The following HPSE2 variants were observed in gnomAD, a reference collection of about 807,000 sequenced individuals.
HPSE2 encodes inactive heparanase-2.
In HPSE2, 38 loss-of-function variants were observed where a neutral mutation model predicts 60.5. The ratio of observed to expected loss-of-function variants is 0.63; its 90% CI spans 0.48 to 0.82. The LOEUF is 0.82. Among genes scored for constraint, HPSE2 ranks in the 40% least tolerant of loss-of-function variants. The pLI, the probability that HPSE2 is intolerant of heterozygous loss-of-function variation, is 0.00. For synonymous variants in HPSE2, 295 were observed against 293.2 expected (o/e 1.01, Z -0.06); for missense variants, 713 against 740.4 (o/e 0.96, Z 0.43).
intron 7 of HPSE2, among the ~76,000 whole-genome samples, chr10:98,635,475 C>A (rs945834947): frequency 2.0e-5 from 3 of 152,170 alleles, no homozygotes; most frequent in African/African-American, 7.2e-5. Flanking sequence ...TGAAATCAAC[C>A]TGTCTCCATC....
At chr10:98,511,094 C>T (rs1046705434) in intron 9 of HPSE2, among the ~76,000 whole-genome samples, 3 of 151,674 alleles carry the variant, frequency 2.0e-5, no homozygotes, top group African/African-American at 7.3e-5. Context: ...GTGCCTGATA[C>T]ATAAAAGTAT....
intron 3 of HPSE2, among the ~76,000 whole-genome samples, chr10:98,955,563 C>T (rs927395652): frequency 6.6e-6 from 1 of 152,056 alleles, no homozygotes. Context: ...CTTCAAAGAC[C>T]TAGAATCAGA....
At chr10:99,312,571 A>T in the HPSE2 span, among the ~76,000 whole-genome samples, 130,598 of 152,262 alleles carry the variant, frequency 0.86, 56,398 homozygotes, top group African/African-American at 0.93. Context: ...TGCTCAGAAA[A>T]AAAGATTCCT....
chr10:98,472,943 C>T (rs561582048), intron 11 of HPSE2, among the ~76,000 whole-genome samples: 1 of 152,062 alleles, frequency 6.6e-6, no homozygotes, highest in East Asian at 1.9e-4. Flanking sequence ...GACTAATACC[C>T]CAACAGAAAA....
rs943609338 is a variant in HPSE2, at chr10:99,169,244, G to A, written c.449-24845C>T. On this transcript the variant is annotated intron_variant, in intron 2 of 11. Coordinates refer to ENST00000370552, the MANE Select transcript of HPSE2 (RefSeq NM_021828.5). ...AGCCAGGCTGGGCACGGTGGCTCACGCCTTTAATCCCAGCACTTTAGGAGA... is the reference window on the plus strand; with the variant it reads ...AGCCAGGCTGGGCACGGTGGCTCACACCTTTAATCCCAGCACTTTAGGAGA... 9.0e-5 allele frequency among the ~76,000 whole-genome samples: 13 copies of A among 143,770 alleles called. No individual in the cohort carries two copies. The East Asian group carries it at 1.0e-3, about 11-fold the overall frequency. The allele number at this position is 143,770 out of a possible 152,430, so 94.3% of individuals were successfully genotyped here. A position where few individuals can be genotyped will look rare whatever the true frequency, so the allele number is the denominator to read the frequency against.
chr10:98,633,791 G>A (rs533797672), intron 7 of HPSE2, among the ~76,000 whole-genome samples: 39 of 152,230 alleles, frequency 2.6e-4, no homozygotes, highest in African/African-American at 6.0e-4. Flanking sequence ...TTTCCTTGGC[G>A]CGTGTTTCTC....
chr10:98,642,091 T>C, intron 6 of HPSE2, 151 bp from the exon 7 acceptor site: 1 of 683,568 alleles, frequency 1.5e-6, no homozygotes, highest in Non-Finnish European at 2.6e-6. Context: ...CTGGGTACTT[T>C]TCAAACAAAT....
chr10:98,459,835 C>A, intron 11 of HPSE2, 96 bp from the exon 12 acceptor site: 2 of 1,115,708 alleles, frequency 1.8e-6, no homozygotes, highest in Non-Finnish European at 1.3e-6. Context: ...GTGTCTGATA[C>A]ACACACACAG....
intron 6 of HPSE2, among the ~76,000 whole-genome samples, chr10:98,679,635 G>A (rs1260802560): frequency 6.6e-6 from 1 of 151,976 alleles, no homozygotes; most frequent in African/African-American, 2.4e-5. Context: ...TTATTTTGAA[G>A]TCCTAATGTT....
intron 2 of HPSE2, among the ~76,000 whole-genome samples, chr10:99,170,361 G>A (rs1278617687): frequency 6.6e-6 from 1 of 152,148 alleles, no homozygotes; most frequent in Non-Finnish European, 1.5e-5. Flanking sequence ...GTCTGCTCCA[G>A]CTCCCTCCTC....
At chr10:99,159,158 G>A (rs1846716999) in intron 2 of HPSE2, among the ~76,000 whole-genome samples, 2 of 151,796 alleles carry the variant, frequency 1.3e-5, no homozygotes, top group Non-Finnish European at 2.9e-5. Flanking sequence ...AAGAAAAAAA[G>A]GATCAGAATG....
In HPSE2 at chr10:98,457,666, T is replaced by G. The variant is rs1052324392; in HGVS notation, c.*1908A>C. 1 of 152,474 alleles carries G rather than the reference T, an allele frequency of 6.6e-6. No homozygotes were observed. Among genetic ancestry groups the G allele is most frequent in the Non-Finnish European group, 1.5e-5 (1 of 68,264 alleles). 9.4% of individuals were successfully genotyped at this position (152,474 alleles called of 1,614,324 possible). On this transcript the variant is annotated 3_prime_UTR_variant, in exon 12 of 12. Transcript: ENST00000370552. ...TTCCTCTCTTTTCCTCACTTTGGCC[T>G]GTCAATCTGTTTCTTCTTTCTCTTA...
chr10:98,500,224 T>C (rs1397842805), intron 9 of HPSE2, among the ~76,000 whole-genome samples: 2 of 152,146 alleles, frequency 1.3e-5, no homozygotes, highest in Non-Finnish European at 2.9e-5. Flanking sequence ...GAATACACAT[T>C]CTACTCAATA....
Position 99,015,153 on chromosome 10 carries a change from A to G in HPSE2, c.610+129085T>C, listed in dbSNP as rs533322004. 5.9e-5 allele frequency among the ~76,000 whole-genome samples: 9 copies of G among 151,842 alleles called. No individual in the cohort carries two copies. The East Asian group carries it at 1.6e-3, about 26-fold the overall frequency. ...ACACCAGTTAGAATGGCAATCATTA[A>G]AAAGTCAGGAAACAACAGGTGCTGG... On this transcript the variant is annotated intron_variant, in intron 3 of 11. Transcript: ENST00000370552.
chr10:99,169,243 C>T (rs1315064488), intron 2 of HPSE2, among the ~76,000 whole-genome samples: 33 of 145,036 alleles, frequency 2.3e-4, no homozygotes, highest in Admixed American at 7.0e-4. Context: ...CGGTGGCTCA[C>T]GCCTTTAATC....
intron 3 of HPSE2, among the ~76,000 whole-genome samples, chr10:98,783,263 C>T (rs1356413302): frequency 4.7e-5 from 4 of 84,984 alleles, no homozygotes; most frequent in East Asian, 3.1e-4. Flanking sequence ...CTACAAAGGA[C>T]GTGAACTCAT....
chr10:98,679,983 C>A (rs895179998), intron 6 of HPSE2, among the ~76,000 whole-genome samples: 2 of 152,126 alleles, frequency 1.3e-5, no homozygotes, highest in African/African-American at 4.8e-5. Flanking sequence ...CCATGTTATT[C>A]TGTTTTCCAA....
intron 9 of HPSE2, among the ~76,000 whole-genome samples, chr10:98,547,052 A>C: frequency 6.8e-6 from 1 of 146,212 alleles, no homozygotes; most frequent in Non-Finnish European, 1.5e-5. Flanking sequence ...ACACATGAAA[A>C]AATGCTCATC....
chr10:98,727,429 T>C (rs1949114870), intron 4 of HPSE2, among the ~76,000 whole-genome samples: 1 of 152,100 alleles, frequency 6.6e-6, no homozygotes, highest in African/African-American at 2.4e-5. Context: ...GGCAGATGGA[T>C]CACTTGAGGT....
Sources: allele counts gnomAD v4.1 joint callset (sites outside exome capture counted in the v4.1 genomes callset), GRCh38; gene constraint gnomAD v4.1.1; transcripts MANE v1.5; gene names NCBI Gene and HGNC (gene_info 2026-07-23, HGNC 2026-07-21).